The following NEK7 variants were observed in gnomAD, a reference collection of about 807,000 sequenced individuals.
NEK7 encodes the protein serine/threonine-protein kinase Nek7.
Under a neutral mutation model 44.6 loss-of-function variants are expected in NEK7, and 18 were observed. The ratio of observed to expected loss-of-function variants is 0.40; its 90% CI spans 0.28 to 0.60. The LOEUF is 0.60. NEK7 is among the 20% of genes least tolerant of loss of function. The pLI, the probability that NEK7 is intolerant of heterozygous loss-of-function variation, is 0.38. For missense variants in NEK7, 256 were observed against 366.5 expected (o/e 0.70, Z 2.46); for synonymous variants, 130 against 121.1 (o/e 1.07, Z -0.48).
At chr1:198,175,564 G>A (rs1393292572) in intron 1 of NEK7, among the ~76,000 whole-genome samples, 1 of 152,148 alleles carries the variant, frequency 6.6e-6, no homozygotes, top group African/African-American at 2.4e-5. Flanking sequence ...CTTTAAATCA[G>A]TTTGGTTGTC....
intron 1 of NEK7, among the ~76,000 whole-genome samples, chr1:198,210,320 C>G (rs1665725397): frequency 6.6e-6 from 1 of 152,092 alleles, no homozygotes; most frequent in Admixed American, 6.5e-5. Context: ...TCCTGGCCCC[C>G]CAAGTTTTCC....
At chr1:198,270,639 C>T (rs1233266632) in intron 5 of NEK7, among the ~76,000 whole-genome samples, 1 of 151,904 alleles carries the variant, frequency 6.6e-6, no homozygotes, top group Non-Finnish European at 1.5e-5. Flanking sequence ...TATTTTCTAC[C>T]TTGTTACCAC....
rs939305826 is a variant in NEK7, at chr1:198,267,048, G to A, written c.372+2813G>A. On this transcript the variant is annotated intron_variant, in intron 5 of 9. Transcript: ENST00000367385. The stretch of plus-strand genomic sequence containing the variant: ...TCTCTCCTCCTTCTCTCCTGTTACC[G>A]TATTCTTGTTAGATAGGAGGGATTG... Among the ~76,000 whole-genome samples, 7 of 151,906 alleles carry A rather than the reference G, an allele frequency of 4.6e-5. No homozygotes were observed. The East Asian group carries it at 7.7e-4, about 17-fold the overall frequency.
chr1:198,185,870 T>C (rs1664907097), intron 1 of NEK7, among the ~76,000 whole-genome samples: 1 of 152,242 alleles, frequency 6.6e-6, no homozygotes, highest in African/African-American at 2.4e-5. Flanking sequence ...TGGTTGCTGG[T>C]TGTCTTCCAG....
At chr1:198,313,933 G>A (rs893178996) in intron 9 of NEK7, among the ~76,000 whole-genome samples, 8 of 151,758 alleles carry the variant, frequency 5.3e-5, no homozygotes, top group African/African-American at 2.4e-5. Flanking sequence ...TTCTCGAGGA[G>A]TATCTTTGTG....
intron 9 of NEK7, among the ~76,000 whole-genome samples, chr1:198,313,799 T>A (rs190339591): frequency 0.04 from 6,035 of 150,308 alleles, 197 homozygotes; most frequent in Middle Eastern, 0.059. Flanking sequence ...AGTTTCTGCC[T>A]AGAGATCCGC....
intron 1 of NEK7, among the ~76,000 whole-genome samples, chr1:198,207,747 C>G (rs1173833722): frequency 6.6e-6 from 1 of 152,028 alleles, no homozygotes; most frequent in Non-Finnish European, 1.5e-5. Context: ...TATTTTGATT[C>G]TAGTGGTTGA....
In NEK7 at chr1:198,315,964, A is replaced by C. The variant is rs550156592; in HGVS notation, c.799-3448A>C. ...TTATTGAAGGCATGGGAGTAAGTGC[A>C]GTTGTTGAAGATAAGAAGGAAGAGT... On this transcript the variant is annotated intron_variant, in intron 9 of 9. Coordinates refer to ENST00000367385, the MANE Select transcript of NEK7 (RefSeq NM_133494.3). Among the ~76,000 whole-genome samples, 37 of 152,308 alleles carry C rather than the reference A, an allele frequency of 2.4e-4. No individual in the cohort carries two copies. In the South Asian group the frequency reaches 7.5e-3, roughly 31 times the overall value.
chr1:198,314,770 T>C (rs944118334), intron 9 of NEK7, among the ~76,000 whole-genome samples: 4 of 152,158 alleles, frequency 2.6e-5, no homozygotes, highest in African/African-American at 9.7e-5. Flanking sequence ...GAGACCCACT[T>C]GAGGAGGCAG....
chr1:198,247,757 A>C (rs1666876820), intron 2 of NEK7, among the ~76,000 whole-genome samples: 1 of 151,892 alleles, frequency 6.6e-6, no homozygotes, highest in South Asian at 2.1e-4. Context: ...AATTATAGTG[A>C]CTCTTTGGCA....
intron 7 of NEK7, among the ~76,000 whole-genome samples, chr1:198,286,974 T>C (rs112053894): frequency 1.6e-4 from 25 of 152,204 alleles, no homozygotes; most frequent in African/African-American, 5.1e-4. Context: ...ATCTTCCTAT[T>C]ATGAAGTCCT....
In NEK7 at chr1:198,297,228, C is replaced by T; in HGVS notation, c.786C>T (p.His262=). 1.2e-6 allele frequency: 2 copies of T among 1,613,248 alleles called. No homozygotes were observed. The highest frequency in any genetic ancestry group is 1.3e-5 in the African/African-American group (1 of 75,010). Residue 262 remains histidine, a synonymous_variant, in exon 9 of 10, where the codon CAC becomes CAT. Transcript: ENST00000367385. Reference sequence around the variant, plus strand: ...ACTACCCACCTCTTCCTTCAGATCACTATTCAGAAGAAGTAAGTCATTTTC... The same window carrying T: ...ACTACCCACCTCTTCCTTCAGATCATTATTCAGAAGAAGTAAGTCATTTTC... ...QCDYPPLPSD[H]YSEELRQLVN... is the part of the protein sequence containing the mutation.
chr1:198,264,272 GT>G (rs370944444), intron 5 of NEK7, 37 bp downstream of exon 5: 41,050 of 1,416,802 alleles, frequency 0.029, 719 homozygotes, highest in Middle Eastern at 0.042. Context: ...GTTTTGTTTT[GT>G]TTTTTTTTCT....
rs1665418219 is a variant in NEK7 at position 198,201,105 on chromosome 1, A to C, written c.-28-31448A>C. On this transcript the variant is annotated intron_variant, in intron 1 of 9. Transcript: ENST00000367385. ...GTGGAGTATATTTTCATTGTATATA[A>C]TTGCTTAATTTCTACTTTTGTTTTT... Among the ~76,000 whole-genome samples, 7 of 152,082 alleles carry C rather than the reference A, an allele frequency of 4.6e-5. No individual in the cohort carries two copies. The South Asian group carries it at 1.5e-3, about 32-fold the overall frequency.
chr1:198,213,440 C>T (rs1184945225), intron 1 of NEK7, among the ~76,000 whole-genome samples: 2 of 152,190 alleles, frequency 1.3e-5, no homozygotes, highest in Non-Finnish European at 2.9e-5. Flanking sequence ...TTGCCTACCA[C>T]TGCAGAAACA....
At position 198,279,033 on chromosome 1, in the gene NEK7, C is replaced by G; in HGVS notation, c.561C>G (p.Ser187Arg). ...ATCTTGGGCTTGGCCGGTTTTTCAG[C>G]TCAAAAACCACAGCTGCACATTCTT... ...LGDLGLGRFF[S>R]SKTTAAHSLV... is the part of the protein sequence containing the mutation. Residue 187 changes from serine (S) to arginine (R), a missense_variant, in exon 7 of 10, where the codon AGC becomes AGG. Physicochemically the swap from Ser to Arg is moderately radical, Grantham distance 110. Transcript: ENST00000367385. 6.2e-7 allele frequency: 1 copy of G among 1,609,068 alleles called. No homozygotes were observed. Among genetic ancestry groups the G allele is most frequent in the Non-Finnish European group, 8.5e-7 (1 of 1,176,112 alleles).
At chr1:198,253,587 C>CA (rs1183318153) in intron 3 of NEK7, among the ~76,000 whole-genome samples, 1 of 151,542 alleles carries the variant, frequency 6.6e-6, no homozygotes, top group Non-Finnish European at 1.5e-5. Context: ...ACTATACCAG[C>CA]AAAAAAATGA....
At chr1:198,294,002 T>C (rs941171348) in intron 8 of NEK7, among the ~76,000 whole-genome samples, 3 of 151,932 alleles carry the variant, frequency 2.0e-5, no homozygotes, top group Non-Finnish European at 4.4e-5. Context: ...TCATCTATTT[T>C]AATTGTACCA....
chr1:198,270,838 T>G (rs1463579296), intron 5 of NEK7, among the ~76,000 whole-genome samples: 1 of 152,096 alleles, frequency 6.6e-6, no homozygotes, highest in African/African-American at 2.4e-5. Context: ...TACTCTAGAT[T>G]CCTGTGGGTC....
Sources: allele counts gnomAD v4.1 joint callset (sites outside exome capture counted in the v4.1 genomes callset), GRCh38; gene constraint gnomAD v4.1.1; transcripts MANE v1.5; gene names NCBI Gene and HGNC (gene_info 2026-07-23, HGNC 2026-07-21).